TGM2: variants seen among roughly 807,000 people sequenced by gnomAD.
TGM2 encodes the protein transglutaminase 2.
A neutral mutation model predicts 75.6 loss-of-function variants in TGM2; 53 were observed. The ratio of observed to expected loss-of-function variants is 0.70; its 90% confidence interval spans 0.56 to 0.88. The LOEUF (loss-of-function observed/expected upper bound fraction) is 0.88. TGM2 is among the 40% of genes least tolerant of loss of function. The pLI, the probability that TGM2 is intolerant of heterozygous loss-of-function variation, is 0.00. For synonymous variants in TGM2, 374 were observed against 381.1 expected (o/e 0.98, Z 0.22); for missense variants, 842 against 928.5 (o/e 0.91, Z 1.21).
At chr20:38,141,855 C>G (rs919860018) in intron 7 of TGM2, among the ~76,000 whole-genome samples, 1 of 152,040 alleles carries the variant, frequency 6.6e-6, no homozygotes, top group African/African-American at 2.4e-5. Flanking sequence ...GCATTCCAGA[C>G]TCCCGACAAC....
chr20:38,147,248 T>C (rs1413682303), intron 5 of TGM2, among the ~76,000 whole-genome samples: 3 of 151,854 alleles, frequency 2.0e-5, no homozygotes, highest in African/African-American at 7.3e-5. Context: ...ATTGTGTCGT[T>C]CCCCCTAAAC....
At chr20:38,132,196 A>G (rs2076385) in intron 11 of TGM2, 144 bp downstream of exon 11, 150,347 of 877,640 alleles carry the variant, frequency 0.17, 14,300 homozygotes, top group East Asian at 0.36. Context: ...CTTTTCTTCG[A>G]TGAGGCTAGG....
intron 10 of TGM2, among the ~76,000 whole-genome samples, chr20:38,133,932 A>G (rs2074866627): frequency 6.6e-6 from 1 of 152,008 alleles, no homozygotes; most frequent in South Asian, 2.1e-4. Context: ...CTCAAGGGGG[A>G]AAAAAAGAGA....
At chr20:38,135,673 G>A (rs1358493632) in intron 10 of TGM2, among the ~76,000 whole-genome samples, 3 of 151,998 alleles carry the variant, frequency 2.0e-5, no homozygotes, top group Non-Finnish European at 2.9e-5. Context: ...AGCGAGGGCC[G>A]GGTCCTTTCT....
chr20:38,143,393 G>T (rs45535740), intron 6 of TGM2, among the ~76,000 whole-genome samples: 1,829 of 152,314 alleles, frequency 0.012, 20 homozygotes, highest in South Asian at 0.028. Flanking sequence ...ACGGATGCAC[G>T]TGGCCCTATA....
At chr20:38,138,487 G>A in intron 9 of TGM2, 102 bp from the exon 10 acceptor site, 1 of 1,598,846 alleles carries the variant, frequency 6.3e-7, no homozygotes, top group Non-Finnish European at 8.5e-7. Context: ...ATGACTCAGG[G>A]CAGCCATGAA....
chr20:38,152,849 G>A (rs1009571577), intron 3 of TGM2, among the ~76,000 whole-genome samples: 3 of 152,206 alleles, frequency 2.0e-5, no homozygotes, highest in African/African-American at 4.8e-5. Context: ...ACTCCAACCC[G>A]CCGCCGGGTG....
intron 6 of TGM2, 50 bp downstream of exon 6, chr20:38,146,667 T>C: frequency 6.2e-7 from 1 of 1,608,406 alleles, no homozygotes; most frequent in Non-Finnish European, 8.5e-7. Flanking sequence ...TCCAGTGCTC[T>C]TCGTGCCCCC....
chr20:38,153,986 T>G (rs1600510828), intron 3 of TGM2, among the ~76,000 whole-genome samples: 1 of 152,262 alleles, frequency 6.6e-6, no homozygotes, highest in East Asian at 1.9e-4. Context: ...CGGTCTAATT[T>G]TTGTATTTTT....
chr20:38,135,616 G>A (rs1470524829), intron 10 of TGM2, among the ~76,000 whole-genome samples: 5 of 152,146 alleles, frequency 3.3e-5, no homozygotes, highest in East Asian at 3.9e-4. Context: ...ACCCCCACAC[G>A]CCTGTAGAGA....
At chr20:38,149,493 C>T (rs1019019318) in intron 4 of TGM2, among the ~76,000 whole-genome samples, 2 of 151,816 alleles carry the variant, frequency 1.3e-5, no homozygotes, top group Admixed American at 6.6e-5. Context: ...CTGGTTAACA[C>T]GGTGAAACCC....
At chr20:38,134,486 CCAGGG>C (rs931532670) in intron 10 of TGM2, among the ~76,000 whole-genome samples, 6 of 152,202 alleles carry the variant, frequency 3.9e-5, no homozygotes, top group African/African-American at 1.2e-4. Flanking sequence ...GAGGTGGAGG[CCAGGG>C]CAGGGCTGGA....
chr20:38,149,884 T>C (rs1319578301), intron 4 of TGM2, among the ~76,000 whole-genome samples: 1 of 152,096 alleles, frequency 6.6e-6, no homozygotes, highest in Non-Finnish European at 1.5e-5. Flanking sequence ...TTTGCAATTA[T>C]CATCATGATA....
At chr20:38,135,408 C>T (rs2074887180) in intron 10 of TGM2, among the ~76,000 whole-genome samples, 1 of 147,752 alleles carries the variant, frequency 6.8e-6, no homozygotes, top group African/African-American at 2.6e-5. Flanking sequence ...AATGTATACA[C>T]ACACACACAC....
At chr20:38,135,420 C>CACACACACACACACAT (rs1434771338) in intron 10 of TGM2, among the ~76,000 whole-genome samples, 8 of 151,878 alleles carry the variant, frequency 5.3e-5, no homozygotes, top group African/African-American at 1.9e-4. Context: ...CACACACACA[C>CACACACACACACACAT]ACACACACAC....
At chr20:38,154,827 C>T (rs1363073537) in intron 3 of TGM2, among the ~76,000 whole-genome samples, 2 of 152,146 alleles carry the variant, frequency 1.3e-5, no homozygotes, top group Non-Finnish European at 1.5e-5. Flanking sequence ...CCACCTCAGC[C>T]GGGCACGGTG....
Position 38,131,167 on chromosome 20 carries a change from G to A in TGM2, c.1839C>T (p.Leu613=), listed in dbSNP as rs138893457. The A allele has an allele frequency of 3.1e-6, 5 of 1,613,720 alleles. No homozygotes were observed. The highest frequency in any genetic ancestry group is 1.1e-5 in the South Asian group (1 of 91,086). ...AGGTGCAGCCTTCCAGGGCCACAGG[G>A]AGCGGGTTCTGCAGGGACACCTCAG... ...LVAEVSLQNP[L]PVALEGCTFT... Residue 613 remains leucine (L), a synonymous_variant, in exon 12 of 13, where the codon CTC becomes CTT. Transcript: ENST00000361475.
chr20:38,141,453 A>C, intron 7 of TGM2, 68 bp from the exon 8 acceptor site: 2 of 1,203,858 alleles, frequency 1.7e-6, no homozygotes, highest in Non-Finnish European at 2.4e-6. Flanking sequence ...TCCCACGGGC[A>C]GACCATGCAT....
intron 1 of TGM2, among the ~76,000 whole-genome samples, chr20:38,162,195 G>A (rs2075262488): frequency 6.6e-6 from 1 of 152,216 alleles, no homozygotes; most frequent in East Asian, 1.9e-4. Context: ...GGGACCAGCA[G>A]TATCTACCTC....
Sources: gnomAD v4.1 joint callset for allele counts (sites outside exome capture counted in the v4.1 genomes callset) on GRCh38, gnomAD v4.1.1 for gene constraint, MANE v1.5 for transcripts, NCBI Gene and HGNC (gene_info 2026-07-23, HGNC 2026-07-21) for gene names.